MTF1: variants seen among roughly 807,000 people sequenced by gnomAD.
The protein encoded by MTF1 is MRE-binding transcription factor.
A neutral mutation model predicts 70.4 loss-of-function variants in MTF1; 22 were observed. The ratio of observed to expected loss-of-function variants is 0.31; its 90% CI spans 0.22 to 0.45. MTF1 has a LOEUF of 0.45. MTF1 is among the 20% of genes least tolerant of loss of function. The pLI is 1.00. For missense variants in MTF1, 649 were observed against 922.0 expected (o/e 0.70, Z 3.83); for synonymous variants, 333 against 352.8 (o/e 0.94, Z 0.63).
At chr1:37,854,643 T>C (rs1003008308) in intron 2 of MTF1, among the ~76,000 whole-genome samples, 2 of 152,228 alleles carry the variant, frequency 1.3e-5, no homozygotes, top group Non-Finnish European at 2.9e-5. Context: ...AGTAAGATGT[T>C]GCTGATAAAA....
At chr1:37,850,791 T>C (rs1002888186) in intron 2 of MTF1, among the ~76,000 whole-genome samples, 1 of 152,170 alleles carries the variant, frequency 6.6e-6, no homozygotes, top group Admixed American at 6.5e-5. Context: ...CTCCACACTA[T>C]ATGAAACAAT....
intron 2 of MTF1, among the ~76,000 whole-genome samples, chr1:37,853,391 C>G (rs964419618): frequency 6.6e-6 from 1 of 152,188 alleles, no homozygotes; most frequent in Non-Finnish European, 1.5e-5. Flanking sequence ...CCAAATCCAC[C>G]CCACTGCCTG....
chr1:37,844,057 G>T (rs532766033), intron 2 of MTF1, among the ~76,000 whole-genome samples: 1 of 152,164 alleles, frequency 6.6e-6, no homozygotes, highest in Non-Finnish European at 1.5e-5. Flanking sequence ...ACCTAGTTTT[G>T]CAGTCATTTG....
At chr1:37,838,576 C>T (rs1641205257) in intron 4 of MTF1, 49 bp downstream of exon 4, 2 of 1,545,276 alleles carry the variant, frequency 1.3e-6, no homozygotes. Context: ...TATATCAAGA[C>T]CCCCAGCTGA....
chr1:37,817,990 G>A (rs746206208), intron 9 of MTF1, among the ~76,000 whole-genome samples: 1 of 152,236 alleles, frequency 6.6e-6, no homozygotes, highest in African/African-American at 2.4e-5. Context: ...CATAGTTCAA[G>A]GGTGGGCCCT....
In MTF1 at chr1:37,853,712, C is replaced by T. The variant is rs901771409; in HGVS notation, c.408+3539G>A. On this transcript the variant is annotated intron_variant, in intron 2 of 10. Coordinates refer to ENST00000373036, the MANE Select transcript of MTF1 (RefSeq NM_005955.3). ...ATGTATTCTTTAAGACCAGCTCAAA[C>T]GCCACCTTTTTCACAAAGACTTCCC... 7.9e-5 allele frequency among the ~76,000 whole-genome samples: 12 copies of T among 152,278 alleles called. No individual in the cohort carries two copies. The South Asian group carries it at 8.3e-4, about 11-fold the overall frequency.
chr1:37,834,789 T>C (rs983941831), intron 6 of MTF1: 2 of 552,700 alleles, frequency 3.6e-6, no homozygotes, highest in South Asian at 1.6e-5. Context: ...AGAATGACTA[T>C]AAGATTTTTG....
At chr1:37,817,621 G>T in intron 9 of MTF1, 139 bp from the exon 10 acceptor site, 1 of 677,040 alleles carries the variant, frequency 1.5e-6, no homozygotes. Flanking sequence ...ACTGAGTGAT[G>T]TTTTGTTTGT....
intron 6 of MTF1, chr1:37,834,784 G>A: frequency 1.8e-6 from 1 of 550,360 alleles, no homozygotes; most frequent in Non-Finnish European, 3.4e-6. Flanking sequence ...AGTCAAGAAT[G>A]ACTATAAGAT....
chr1:37,837,067 C>T (rs988754662), intron 4 of MTF1, among the ~76,000 whole-genome samples: 2 of 152,006 alleles, frequency 1.3e-5, no homozygotes, highest in Non-Finnish European at 2.9e-5. Flanking sequence ...AAACACAATT[C>T]CTTTTTTTTC....
Position 37,822,410 on chromosome 1 carries a change from T to C in MTF1, c.1478A>G (p.Gln493Arg), listed in dbSNP as rs968054540. ...QEFLPHPQAP[Q>R]PIVPGLSVVA... Reference sequence around the variant, plus strand: ...AACAGAAAGTCCTGGTACAATGGGCTGCGGTGCCTGGGGGTGCGGAAGAAA... The same window carrying C: ...AACAGAAAGTCCTGGTACAATGGGCCGCGGTGCCTGGGGGTGCGGAAGAAA... The change falls in exon 9 of 11, where the codon CAG becomes CGG. Residue 493 changes from glutamine to arginine, a missense_variant. By Grantham distance (43) the Gln-to-Arg change is conservative. Transcript: ENST00000373036. 1.2e-6 allele frequency: 2 copies of C among 1,614,062 alleles called. No individual in the cohort carries two copies. The highest frequency in any genetic ancestry group is 1.7e-6 in the Non-Finnish European group (2 of 1,180,022).
At chr1:37,817,384 T>C (rs1640836449) in intron 10 of MTF1, 35 bp downstream of exon 10, 2 of 1,387,492 alleles carry the variant, frequency 1.4e-6, no homozygotes, top group Non-Finnish European at 1.0e-6. Context: ...ACCCACAGAG[T>C]TGCCTTCTCT....
At chr1:37,846,912 T>C (rs1181824872) in intron 2 of MTF1, among the ~76,000 whole-genome samples, 2 of 152,070 alleles carry the variant, frequency 1.3e-5, no homozygotes, top group African/African-American at 4.8e-5. Context: ...ACATGAACAT[T>C]CTCATAAATA....
intron 8 of MTF1, among the ~76,000 whole-genome samples, chr1:37,823,009 C>T (rs1640942297): frequency 1.3e-5 from 2 of 152,148 alleles, no homozygotes; most frequent in Admixed American, 6.5e-5. Context: ...TTTGACATGA[C>T]TAGTGACTAT....
intron 6 of MTF1, among the ~76,000 whole-genome samples, chr1:37,833,104 A>G (rs1372009417): frequency 1.3e-5 from 2 of 152,178 alleles, no homozygotes; most frequent in Non-Finnish European, 2.9e-5. Context: ...AATTAATACT[A>G]TCTGTATACC....
At chr1:37,854,735 C>G (rs1641464959) in intron 2 of MTF1, among the ~76,000 whole-genome samples, 1 of 152,218 alleles carries the variant, frequency 6.6e-6, no homozygotes, top group Admixed American at 6.5e-5. Flanking sequence ...TTGACTCACA[C>G]TTATGAGACT....
intron 6 of MTF1, chr1:37,834,737 G>A: frequency 4.1e-6 from 2 of 486,964 alleles, no homozygotes; most frequent in Non-Finnish European, 8.1e-6. Flanking sequence ...TGAGCTGGCA[G>A]ACTTTGCTGG....
At chr1:37,816,108 G>T (rs567742934) in intron 10 of MTF1, among the ~76,000 whole-genome samples, 1 of 152,196 alleles carries the variant, frequency 6.6e-6, no homozygotes, top group African/African-American at 2.4e-5. Flanking sequence ...TACAGGACCT[G>T]CTTGGTTCTG....
intron 2 of MTF1, among the ~76,000 whole-genome samples, chr1:37,845,656 C>T (rs1260382088): frequency 6.6e-6 from 1 of 152,190 alleles, no homozygotes; most frequent in African/African-American, 2.4e-5. Flanking sequence ...AGGTATGTAC[C>T]ACCACGCCTG....
Sources: gnomAD v4.1 joint callset for allele counts (sites outside exome capture counted in the v4.1 genomes callset) on GRCh38, gnomAD v4.1.1 for gene constraint, MANE v1.5 for transcripts, NCBI Gene and HGNC (gene_info 2026-07-23, HGNC 2026-07-21) for gene names.